The following YIPF5 variants were observed in gnomAD, a reference collection of about 807,000 sequenced individuals.
YIPF5 encodes the protein Yip1 domain family member 5, also known as protein YIPF5.
In YIPF5, 8 loss-of-function variants were observed where a neutral mutation model predicts 30.4. The observed-to-expected ratio is 0.26, with a 90% CI of 0.15 to 0.47. YIPF5 has a LOEUF of 0.47. Among genes scored for constraint, YIPF5 ranks in the 20% least tolerant of loss-of-function variants. The pLI is 0.99. For synonymous variants in YIPF5, 104 were observed against 107.9 expected, an observed-to-expected ratio of 0.96 and a Z score of 0.23; for missense variants, 282 against 301.8, an observed-to-expected ratio of 0.93 and a Z score of 0.49.
intron 2 of YIPF5, 117 bp from the exon 3 acceptor site, chr5:144,165,721 A>C: frequency 9.3e-7 from 1 of 1,073,930 alleles, no homozygotes; most frequent in Non-Finnish European, 1.3e-6. Context: ...GAAATTCCTC[A>C]GGTACAAACT....
Position 144,160,328 on chromosome 5 carries a change from G to C in YIPF5, c.*69C>G. The stretch of plus-strand genomic sequence containing the variant: ...AGAGTTGCGCTGCAGCAGTTTGCTG[G>C]TCCAATTTAAGAGTTCAAGGTCCTT... On this transcript the variant is annotated 3_prime_UTR_variant, in exon 6 of 6. Coordinates refer to ENST00000274496, the MANE Select transcript of YIPF5 (RefSeq NM_030799.9). 1 of 1,543,976 alleles carries C rather than the reference G, an allele frequency of 6.5e-7. No individual in the cohort carries two copies. Among genetic ancestry groups the C allele is most frequent in the Non-Finnish European group, 8.7e-7 (1 of 1,143,574 alleles).
chr5:144,169,037 G>A (rs1752280933), intron 2 of YIPF5, among the ~76,000 whole-genome samples: 2 of 152,142 alleles, frequency 1.3e-5, no homozygotes, highest in Non-Finnish European at 2.9e-5. Flanking sequence ...AAGAGGCCCA[G>A]TTGTAATAGG....
At chr5:144,160,652 T>A in intron 5 of YIPF5, 93 bp from the exon 6 acceptor site, 1 of 1,072,452 alleles carries the variant, frequency 9.3e-7, no homozygotes, top group Non-Finnish European at 1.2e-6. Flanking sequence ...TAAAGCATTT[T>A]AAATTTACAT....
Position 144,160,052 on chromosome 5 carries a change from T to TTATC in YIPF5, c.*341_*344dup, listed in dbSNP as rs1313414091. On this transcript the variant is annotated 3_prime_UTR_variant, in exon 6 of 6. Transcript: ENST00000274496. ...GTGACTGGGTCGTTTTTAAGAAAGG[T>TTATC]TATCAGCTTTGTGTTTGGTTTCCCA... 30 of 1,001,076 alleles carry TTATC rather than the reference T, an allele frequency of 3.0e-5. No homozygotes were observed. The highest frequency in any genetic ancestry group is 3.6e-6 in the Non-Finnish European group (3 of 840,616). 62.0% of individuals were successfully genotyped at this position (1,001,076 alleles called of 1,614,324 possible).
chr5:144,170,429 G>A (rs1287055553), intron 1 of YIPF5, 106 bp downstream of exon 1: 2 of 170,532 alleles, frequency 1.2e-5, no homozygotes, highest in Non-Finnish European at 2.5e-5. Context: ...TGAGAGCGAG[G>A]GTCTGAGCGA....
chr5:144,164,801 T>A (rs1227194943), intron 3 of YIPF5, among the ~76,000 whole-genome samples: 1 of 152,100 alleles, frequency 6.6e-6, no homozygotes, highest in African/African-American at 2.4e-5. Flanking sequence ...AGGGTATGGA[T>A]CTGATGAAAC....
At chr5:144,161,919 C>T (rs572169831) in intron 5 of YIPF5, among the ~76,000 whole-genome samples, 2 of 152,212 alleles carry the variant, frequency 1.3e-5, no homozygotes, top group South Asian at 4.1e-4. Flanking sequence ...AATGACTTGA[C>T]CTTTTTCATG....
chr5:144,170,198 T>C, intron 1 of YIPF5: 1 of 511,250 alleles, frequency 2.0e-6, no homozygotes, highest in East Asian at 3.6e-5. Context: ...AAAGAGCTGA[T>C]ATGCCTTCCA....
rs1751923423 is a variant in YIPF5 at position 144,158,259 on chromosome 5, G to A, written c.*2138C>T. 2 of 418,792 alleles carry A rather than the reference G, an allele frequency of 4.8e-6. No homozygotes were observed. The highest frequency in any genetic ancestry group is 2.2e-5 in the African/African-American group (1 of 45,506). 25.9% of individuals were successfully genotyped at this position (418,792 alleles called of 1,614,324 possible). The stretch of plus-strand genomic sequence containing the variant: ...GTTTTGGCTATATACAACTCTGCAT[G>A]TAATCAAACTCTAGAACATCAAATG... On this transcript the variant is annotated 3_prime_UTR_variant, in exon 6 of 6. Coordinates refer to ENST00000274496, the MANE Select transcript of YIPF5 (RefSeq NM_030799.9).
Position 144,158,600 on chromosome 5 carries a change from T to G in YIPF5, c.*1797A>C. The G allele has an allele frequency of 9.3e-7, 1 of 1,080,562 alleles. No homozygotes were observed. Among genetic ancestry groups the G allele is most frequent in the Non-Finnish European group, 1.1e-6 (1 of 888,374 alleles). 66.9% of individuals were successfully genotyped at this position (1,080,562 alleles called of 1,614,324 possible). ...ACATTTGCCTTAACAAAAACTATAC[T>G]GAAAAAGACAAATGAATTGAAAAAG... On this transcript the variant is annotated 3_prime_UTR_variant, in exon 6 of 6. Coordinates refer to ENST00000274496, the MANE Select transcript of YIPF5 (RefSeq NM_030799.9).
intron 2 of YIPF5, among the ~76,000 whole-genome samples, chr5:144,167,942 C>A (rs1752246213): frequency 6.6e-6 from 1 of 152,158 alleles, no homozygotes; most frequent in Non-Finnish European, 1.5e-5. Flanking sequence ...GATTGCAGAT[C>A]TACTTGAAGG....
intron 4 of YIPF5, 101 bp from the exon 5 acceptor site, chr5:144,162,500 A>C (rs1052950855): frequency 2.0e-6 from 2 of 1,017,422 alleles, no homozygotes; most frequent in African/African-American, 3.3e-5. Flanking sequence ...TATGAGCATC[A>C]AAATCTACTA....
intron 2 of YIPF5, among the ~76,000 whole-genome samples, chr5:144,166,902 T>C (rs1833501): frequency 0.45 from 68,697 of 152,000 alleles, 16,421 homozygotes; most frequent in African/African-American, 0.61. Context: ...ATGAATAATA[T>C]GATGACTACT....
chr5:144,158,474 G>A lies in YIPF5; in HGVS notation c.*1923C>T. On this transcript the variant is annotated 3_prime_UTR_variant, in exon 6 of 6. Transcript: ENST00000274496. ...ATAATTTGATCCATATGTGATATTT[G>A]GCTGAAGATTAACAGTGTTAAGTCT... 1 of 1,270,782 alleles carries A rather than the reference G, an allele frequency of 7.9e-7. No individual in the cohort carries two copies. Among genetic ancestry groups the A allele is most frequent in the African/African-American group, 1.6e-5 (1 of 64,444 alleles). 78.7% of individuals were successfully genotyped at this position (1,270,782 alleles called of 1,614,324 possible). A position where few individuals can be genotyped will look rare whatever the true frequency, so the allele number is the denominator to read the frequency against.
rs143697455 is a variant in YIPF5 at position 144,169,241 on chromosome 5, T to A, written c.110+605A>T. Among the ~76,000 whole-genome samples the A allele has an allele frequency of 5.6e-3, 846 of 152,136 alleles. 5 individuals carry two copies. The highest frequency in any genetic ancestry group is 0.012 in the Admixed American group (186 of 15,284). ...ACAAACACCAGGTACTATAAAAAGA[T>A]CATTTAAAAAAAAATGTTCAGAGGC... On this transcript the variant is annotated intron_variant, in intron 2 of 5. Coordinates refer to ENST00000274496, the MANE Select transcript of YIPF5 (RefSeq NM_030799.9).
chr5:144,158,913 TTA>T lies in YIPF5; in HGVS notation c.*1482_*1483del. On this transcript the variant is annotated 3_prime_UTR_variant, in exon 6 of 6. Coordinates refer to ENST00000274496, the MANE Select transcript of YIPF5 (RefSeq NM_030799.9). ...ATTTCTATTTAGTCTGAAAATCTCTTTAAAAAAAAAAAAAAGGCAGTATTTTC... is the reference window on the plus strand; with the variant it reads ...ATTTCTATTTAGTCTGAAAATCTCTTAAAAAAAAAAAAAGGCAGTATTTTC... The T allele has an allele frequency of 1.0e-6, 1 of 968,440 alleles. No homozygotes were observed. Among genetic ancestry groups the T allele is most frequent in the Non-Finnish European group, 1.2e-6 (1 of 825,426 alleles). 60.0% of individuals were successfully genotyped at this position (968,440 alleles called of 1,614,324 possible). A position where few individuals can be genotyped will look rare whatever the true frequency, so the allele number is the denominator to read the frequency against.
intron 4 of YIPF5, among the ~76,000 whole-genome samples, chr5:144,163,541 G>A (rs554400075): frequency 6.6e-6 from 1 of 152,208 alleles, no homozygotes; most frequent in South Asian, 2.1e-4. Context: ...CAGCTCTTAT[G>A]ACTAAAAATC....
chr5:144,164,477 C>T (rs765122046), intron 3 of YIPF5, among the ~76,000 whole-genome samples: 3 of 152,098 alleles, frequency 2.0e-5, no homozygotes, highest in Non-Finnish European at 4.4e-5. Flanking sequence ...CCTCAAACTC[C>T]TGAACTCAAA....
intron 2 of YIPF5, among the ~76,000 whole-genome samples, chr5:144,166,738 T>C (rs1209623596): frequency 6.6e-6 from 1 of 152,190 alleles, no homozygotes; most frequent in African/African-American, 2.4e-5. Context: ...TACTTTAGTA[T>C]GCAGTAAACA....
Sources: allele counts gnomAD v4.1 joint callset (sites outside exome capture counted in the v4.1 genomes callset), GRCh38; gene constraint gnomAD v4.1.1; transcripts MANE v1.5; gene names NCBI Gene and HGNC (gene_info 2026-07-23, HGNC 2026-07-21).